The following AFF2 variants were observed in gnomAD, a reference collection of about 807,000 sequenced individuals.
The protein encoded by AFF2 is ALF transcription elongation factor 2.
Under a neutral mutation model 76.9 loss-of-function variants are expected in AFF2, and 14 were observed. The observed-to-expected ratio is 0.18, with a 90% CI of 0.12 to 0.28. AFF2 has a LOEUF of 0.28. AFF2 is among the 10% of genes least tolerant of loss of function. The pLI is 1.00. For missense variants in AFF2, 868 were observed against 1,001.1 expected (o/e 0.87, Z 1.79); for synonymous variants, 398 against 366.7 (o/e 1.09, Z -0.98).
At chrX:148,593,906 G>A (rs782643551) in intron 1 of AFF2, among the ~76,000 whole-genome samples, 7 of 111,192 alleles carry the variant, frequency 6.3e-5, no homozygotes, top group Non-Finnish European at 1.3e-4. Context: ...ACCCTTACCA[G>A]CTCATGTTTA....
chrX:148,875,542 A>G (rs2071026846), intron 7 of AFF2, among the ~76,000 whole-genome samples: 1 of 111,955 alleles, frequency 8.9e-6, no homozygotes, highest in Non-Finnish European at 1.9e-5. Flanking sequence ...CAACATTAAT[A>G]CATATTTTTA....
chrX:148,930,171 A>G (rs1390082315), intron 9 of AFF2, among the ~76,000 whole-genome samples: 2 of 112,304 alleles, frequency 1.8e-5, no homozygotes, highest in Admixed American at 1.9e-4. Flanking sequence ...AATTATGTAT[A>G]AGTGATAAGA....
chrX:148,892,640 C>T (rs1810306820), intron 8 of AFF2, among the ~76,000 whole-genome samples: 1 of 111,522 alleles, frequency 9.0e-6, no homozygotes, highest in South Asian at 3.8e-4. Flanking sequence ...AAATTGAAAG[C>T]CCGCATTTAT....
chrX:148,879,809 A>C (rs782802348), intron 7 of AFF2, among the ~76,000 whole-genome samples: 2 of 111,332 alleles, frequency 1.8e-5, no homozygotes, highest in Non-Finnish European at 3.8e-5. Flanking sequence ...AATCATAAGC[A>C]GTACAGAGAC....
At chrX:148,902,345 C>T (rs2071363312) in intron 8 of AFF2, among the ~76,000 whole-genome samples, 1 of 112,110 alleles carries the variant, frequency 8.9e-6, no homozygotes, top group Admixed American at 9.4e-5. Context: ...CCTAAGTCTT[C>T]TAGAACAGAC....
chrX:148,837,550 AGTTAG>A (rs2070541968), intron 4 of AFF2, 92 bp from the exon 5 acceptor site: 1 of 379,902 alleles, frequency 2.6e-6, no homozygotes, highest in South Asian at 3.6e-5. Flanking sequence ...AGTTAAGTTA[AGTTAG>A]TATTTATAAA....
At chrX:148,515,161 T>A (rs2052521779) in intron 1 of AFF2, among the ~76,000 whole-genome samples, 1 of 111,940 alleles carries the variant, frequency 8.9e-6, no homozygotes, top group African/African-American at 3.3e-5. Flanking sequence ...AATTGTTTCC[T>A]CACTGGAAAA....
chrX:148,623,600 A>AATATATATATAT (rs782158598), intron 1 of AFF2, among the ~76,000 whole-genome samples: 1,301 of 101,376 alleles, frequency 0.013, 17 homozygotes, highest in Middle Eastern at 0.02. Flanking sequence ...CAAACATTTG[A>AATATATATATAT]ATATATATAT....
intron 1 of AFF2, among the ~76,000 whole-genome samples, chrX:148,521,374 G>GCGCACA (rs1428070939): frequency 1.1e-5 from 1 of 90,914 alleles, no homozygotes; most frequent in African/African-American, 4.3e-5. Context: ...GCACGTGCAT[G>GCGCACA]CACACACACA....
chrX:148,963,830 G>A (rs1309356864), intron 13 of AFF2, among the ~76,000 whole-genome samples: 1 of 111,975 alleles, frequency 8.9e-6, no homozygotes, highest in East Asian at 2.8e-4. Context: ...CTGTGGCAGT[G>A]GAGACACGAA....
intron 3 of AFF2, among the ~76,000 whole-genome samples, chrX:148,740,811 T>C (rs373488922): frequency 8.9e-5 from 10 of 112,012 alleles, no homozygotes; most frequent in African/African-American, 3.2e-4. Flanking sequence ...CTGAAGGCTA[T>C]TGTTCAGATT....
At chrX:148,619,716 T>C (rs1252352705) in intron 1 of AFF2, among the ~76,000 whole-genome samples, 2 of 111,761 alleles carry the variant, frequency 1.8e-5, no homozygotes, top group Non-Finnish European at 3.8e-5. Flanking sequence ...TTGCATAAGC[T>C]ACATACAGAA....
intron 1 of AFF2, chrX:148,547,215 T>C (rs1260268306): frequency 1.0e-5 from 1 of 99,314 alleles, no homozygotes; most frequent in Non-Finnish European, 2.0e-5. Flanking sequence ...ACACCTTTCT[T>C]GCAGTGAAGG....
intron 7 of AFF2, among the ~76,000 whole-genome samples, chrX:148,881,093 A>G (rs1400602061): frequency 1.8e-5 from 2 of 111,818 alleles, no homozygotes; most frequent in Non-Finnish European, 3.8e-5. Context: ...AGCTAGCACC[A>G]TAGATACCTT....
At chrX:148,690,061 G>A (rs2054635652) in intron 3 of AFF2, among the ~76,000 whole-genome samples, 1 of 111,896 alleles carries the variant, frequency 8.9e-6, no homozygotes, top group Non-Finnish European at 1.9e-5. Flanking sequence ...TTTCAGCCTG[G>A]CCTGACAGCC....
intron 1 of AFF2, among the ~76,000 whole-genome samples, chrX:148,587,346 T>C (rs782474302): frequency 8.9e-6 from 1 of 112,455 alleles, no homozygotes; most frequent in Non-Finnish European, 1.9e-5. Context: ...GGAAATTACT[T>C]TTAAATATAT....
intron 9 of AFF2, among the ~76,000 whole-genome samples, chrX:148,947,099 T>C (rs1157331015): frequency 2.7e-5 from 3 of 111,884 alleles, no homozygotes; most frequent in African/African-American, 9.7e-5. Context: ...GGTGTGGACC[T>C]CCTTATTACT....
intron 16 of AFF2, 71 bp downstream of exon 16, chrX:148,973,678 T>C: frequency 1.9e-6 from 2 of 1,050,226 alleles, no homozygotes; most frequent in Non-Finnish European, 2.6e-6. Context: ...TTTTAAAAAA[T>C]GTATCATTTC....
chrX:148,825,428 C>A (rs2070376334), intron 4 of AFF2, among the ~76,000 whole-genome samples: 1 of 112,010 alleles, frequency 8.9e-6, no homozygotes, highest in Non-Finnish European at 1.9e-5. Flanking sequence ...TGTGACTCTT[C>A]TTGTTATTCA....
Sources: allele counts gnomAD v4.1 joint callset (sites outside exome capture counted in the v4.1 genomes callset), GRCh38; gene constraint gnomAD v4.1.1; transcripts MANE v1.5; gene names NCBI Gene and HGNC (gene_info 2026-07-23, HGNC 2026-07-21).